Variants in AKT2 observed in about 807,000 individuals in gnomAD.
AKT2 encodes RAC-beta serine/threonine-protein kinase.
A neutral mutation model predicts 58.6 loss-of-function variants in AKT2; 16 were observed. The ratio of observed to expected loss-of-function variants is 0.27; its 90% CI spans 0.18 to 0.41. The LOEUF is 0.41. Ranked by LOEUF, AKT2 falls within the 10% of genes least tolerant of loss-of-function variation. The pLI is 1.00. For synonymous variants in AKT2, 253 were observed against 254.0 expected, an observed-to-expected ratio of 1.00 and a Z score of 0.04; for missense variants, 438 against 661.0, an observed-to-expected ratio of 0.66 and a Z score of 3.70.
At chr19:40,260,128 G>A (rs1975831431) in intron 2 of AKT2, among the ~76,000 whole-genome samples, 2 of 151,824 alleles carry the variant, frequency 1.3e-5, no homozygotes, top group African/African-American at 4.8e-5. Context: ...CTCCAGCATG[G>A]GAGACAGAGC....
intron 1 of AKT2, among the ~76,000 whole-genome samples, chr19:40,276,709 G>C (rs1378388811): frequency 1.3e-5 from 2 of 151,076 alleles, no homozygotes; most frequent in Non-Finnish European, 2.9e-5. Flanking sequence ...ACATGTTTAT[G>C]TTATCTCAAA....
Position 40,238,997 on chromosome 19 carries a change from G to A in AKT2, c.640-24C>T, listed in dbSNP as rs752842268. Reference sequence around the variant, plus strand: ...GCCTGGGGGATGAAGGCAGCAGGGTGGGAGGTGGGAGGGAGGAGGGCTCTG... The same window carrying A: ...GCCTGGGGGATGAAGGCAGCAGGGTAGGAGGTGGGAGGGAGGAGGGCTCTG... On this transcript the variant is annotated intron_variant, in intron 7 of 13. Transcript: ENST00000392038. This position sits in a 1 kb window ranked among gnomAD's most constrained non-coding sequence, Gnocchi z 5.1. The A allele has an allele frequency of 3.7e-6, 6 of 1,611,484 alleles. No homozygotes were observed. The highest frequency in any genetic ancestry group is 2.2e-5 in the East Asian group (1 of 44,864).
chr19:40,273,316 G>A (rs1052708230), intron 1 of AKT2, among the ~76,000 whole-genome samples: 1 of 149,648 alleles, frequency 6.7e-6, no homozygotes, highest in African/African-American at 2.5e-5. Context: ...ACTCCAGCCT[G>A]AGGGACAGAG....
At chr19:40,282,596 G>A (rs768355163) in intron 1 of AKT2, 6 of 525,826 alleles carry the variant, frequency 1.1e-5, no homozygotes, top group African/African-American at 9.7e-5. Context: ...GTAGAGGACA[G>A]AGGACAGAGG....
At chr19:40,243,462 C>T (rs1269202983) in intron 4 of AKT2, 3 of 152,530 alleles carry the variant, frequency 2.0e-5, no homozygotes, top group Non-Finnish European at 4.4e-5. Flanking sequence ...CGCAGGACTC[C>T]CTGGAGGGGA....
chr19:40,261,884 C>T (rs538018083), intron 2 of AKT2, among the ~76,000 whole-genome samples: 2 of 148,828 alleles, frequency 1.3e-5, no homozygotes, highest in South Asian at 4.3e-4. Flanking sequence ...GTTAATCTCA[C>T]GTTATGTAAA....
rs771140127 is a variant in AKT2 at position 40,236,238 on chromosome 19, C to T, written c.960+19G>A. On this transcript the variant is annotated intron_variant, in intron 10 of 13. Transcript: ENST00000392038. ...TACCCTTGGCCTCACACGTTCCTAC[C>T]CCCACCAACCCCAGACACCTCAGGC... The T allele has an allele frequency of 5.6e-6, 9 of 1,613,598 alleles. No individual in the cohort carries two copies. Among genetic ancestry groups the T allele is most frequent in the South Asian group, 1.1e-5 (1 of 91,070 alleles).
At chr19:40,247,984 C>T (rs1974865499) in intron 4 of AKT2, among the ~76,000 whole-genome samples, 1 of 152,230 alleles carries the variant, frequency 6.6e-6, no homozygotes, top group Non-Finnish European at 1.5e-5. Context: ...GCCATACCAA[C>T]ACTGGGAAGG....
In AKT2 at chr19:40,275,334, C is replaced by T. The variant is rs919727688; in HGVS notation, c.-85+9847G>A. 77 of 456,236 alleles carry T rather than the reference C, an allele frequency of 1.7e-4. No homozygotes were observed. In the Admixed American group the frequency reaches 1.8e-3, roughly 10 times the overall value. 28.3% of individuals were successfully genotyped at this position (456,236 alleles called of 1,614,324 possible). A position where few individuals can be genotyped will look rare whatever the true frequency, so the allele number is the denominator to read the frequency against. Reference sequence around the variant, plus strand: ...GGAATCCCTGACCCACGTCGCTCTGCATCGCCACCACCTCCCTGGGAGCTC... The same window carrying T: ...GGAATCCCTGACCCACGTCGCTCTGTATCGCCACCACCTCCCTGGGAGCTC... On this transcript the variant is annotated intron_variant, in intron 1 of 13. Transcript: ENST00000392038.
intron 6 of AKT2, 150 bp downstream of exon 6, chr19:40,241,788 C>T (rs1180954726): frequency 2.4e-6 from 3 of 1,233,550 alleles, no homozygotes; most frequent in Non-Finnish European, 3.4e-6. Flanking sequence ...CTCTCTGGGC[C>T]TCAGGCTCCC....
chr19:40,249,244 G>A (rs1974968367), intron 4 of AKT2, among the ~76,000 whole-genome samples: 1 of 152,172 alleles, frequency 6.6e-6, no homozygotes, highest in African/African-American at 2.4e-5. Flanking sequence ...TGTGGGCTAC[G>A]GACTGGGGGC....
intron 4 of AKT2, among the ~76,000 whole-genome samples, chr19:40,244,773 G>A (rs1473764627): frequency 2.0e-5 from 3 of 152,256 alleles, no homozygotes; most frequent in East Asian, 3.8e-4. Context: ...CCCAGGGCAA[G>A]TGTCACTGCT....
At chr19:40,241,633 C>T (rs1568528244) in intron 6 of AKT2, 1 of 441,876 alleles carries the variant, frequency 2.3e-6, no homozygotes, top group Non-Finnish European at 4.2e-6. Context: ...CCCGGGACTC[C>T]CCAACAGCGA....
chr19:40,250,166 G>A (rs1975047636), intron 4 of AKT2, among the ~76,000 whole-genome samples: 2 of 152,206 alleles, frequency 1.3e-5, no homozygotes, highest in Non-Finnish European at 2.9e-5. Flanking sequence ...CTGAGTGGGA[G>A]TGAAAGCCAT....
At chr19:40,281,090 C>T (rs2145436298) in intron 1 of AKT2, among the ~76,000 whole-genome samples, 1 of 152,344 alleles carries the variant, frequency 6.6e-6, no homozygotes, top group South Asian at 2.1e-4. Context: ...ACCTCTCACC[C>T]AGGCCCACAG....
chr19:40,273,340 CA>C (rs574470407), intron 1 of AKT2: 1,228 of 116,768 alleles, frequency 0.011, 11 homozygotes, highest in African/African-American at 0.03. Flanking sequence ...GACTCCATCT[CA>C]AAAAAAAAAA....
At chr19:40,256,415 G>T (rs1975546692) in intron 3 of AKT2, among the ~76,000 whole-genome samples, 1 of 152,176 alleles carries the variant, frequency 6.6e-6, no homozygotes, top group South Asian at 2.1e-4. Context: ...GATGTGGACA[G>T]GACCATATTC....
chr19:40,233,911 G>A lies in AKT2; in HGVS notation c.1407C>T (p.His469=). ...TGGCCGAGTAGGAGAACTGGGGGAA[G>A]TGGGTCCGCTGGTCCAGCTCCAGTA... ...LGLLELDQRT[H]FPQFSYSASI... Residue 469 remains histidine, a synonymous_variant, in exon 14 of 14, where the codon CAC becomes CAT. Coordinates refer to ENST00000392038, the MANE Select transcript of AKT2 (RefSeq NM_001626.6). This position sits in a 1 kb window ranked among gnomAD's most constrained non-coding sequence, Gnocchi z 4.3. 6.2e-7 allele frequency: 1 copy of A among 1,612,008 alleles called. No individual in the cohort carries two copies. The highest frequency in any genetic ancestry group is 8.5e-7 in the Non-Finnish European group (1 of 1,179,890).
intron 4 of AKT2, among the ~76,000 whole-genome samples, chr19:40,253,736 G>T (rs907918128): frequency 3.9e-5 from 6 of 152,044 alleles, no homozygotes; most frequent in Non-Finnish European, 7.4e-5. Context: ...CACATCAAAC[G>T]AGACAGACAC....
Sources: gnomAD v4.1 joint callset for allele counts (sites outside exome capture counted in the v4.1 genomes callset) on GRCh38, gnomAD v4.1.1 for gene constraint, Gnocchi (gnomAD v3.1) non-coding constraint, MANE v1.5 for transcripts, NCBI Gene and HGNC (gene_info 2026-07-23, HGNC 2026-07-21) for gene names.